Variants in NUP210 observed in about 807,000 individuals in gnomAD.
NUP210 encodes nuclear pore membrane glycoprotein 210.
Under a neutral mutation model 196.0 loss-of-function variants are expected in NUP210, and 151 were observed. That is an observed-to-expected ratio of 0.77 (90% CI 0.67 to 0.88). The LOEUF is 0.88. Ranked by LOEUF, NUP210 falls within the 40% of genes least tolerant of loss-of-function variation. The pLI, the probability that NUP210 is intolerant of heterozygous loss-of-function variation, is 0.00. For missense variants in NUP210, 2,314 were observed against 2,493.7 expected (o/e 0.93, Z 1.53); for synonymous variants, 1,070 against 1,052.7 (o/e 1.02, Z -0.32).
chr3:13,413,609 A>G (rs1700249965), intron 1 of NUP210, among the ~76,000 whole-genome samples: 1 of 152,248 alleles, frequency 6.6e-6, no homozygotes, highest in African/African-American at 2.4e-5. Context: ...CAAAGACTCT[A>G]GGCGTCTGCC....
chr3:13,352,293 C>G (rs1173619574), intron 18 of NUP210, 109 bp from the exon 19 acceptor site: 1 of 737,574 alleles, frequency 1.4e-6, no homozygotes, highest in African/African-American at 1.8e-5. Context: ...TGGCCACAAG[C>G]CCCTGGTGCT....
At position 13,316,582 on chromosome 3, in the gene NUP210, C is replaced by T. The variant is rs929066774; in HGVS notation, c.*1099G>A. ...GAGAGGACTTTTCCAAGGGTCTCCT[C>T]CCCCAGGCCCTGGGGAGTCCCTTCT... On this transcript the variant is annotated 3_prime_UTR_variant, in exon 40 of 40. Transcript: ENST00000254508. 5 of 152,258 alleles carry T rather than the reference C, an allele frequency of 3.3e-5. No individual in the cohort carries two copies. Among genetic ancestry groups the T allele is most frequent in the Admixed American group, 6.5e-5 (1 of 15,286 alleles). The allele number at this position is 152,258 out of a possible 1,614,324, so 9.4% of individuals were successfully genotyped here. A position where few individuals can be genotyped will look rare whatever the true frequency, so the allele number is the denominator to read the frequency against.
At chr3:13,333,644 C>T (rs1272219858) in intron 28 of NUP210, among the ~76,000 whole-genome samples, 1 of 152,196 alleles carries the variant, frequency 6.6e-6, no homozygotes, top group Non-Finnish European at 1.5e-5. Context: ...CGGTGAGAAA[C>T]AGCCTTTGGG....
At chr3:13,372,627 C>T (rs984613916) in intron 12 of NUP210, among the ~76,000 whole-genome samples, 6 of 152,150 alleles carry the variant, frequency 3.9e-5, no homozygotes, top group Non-Finnish European at 5.9e-5. Flanking sequence ...ACTGGTAGAG[C>T]GGCTGGAGCC....
chr3:13,388,336 C>T lies in NUP210; in HGVS notation c.651G>A (p.Lys217=), dbSNP rs768706622. 4.3e-6 allele frequency: 7 copies of T among 1,612,300 alleles called. No individual in the cohort carries two copies. The highest frequency in any genetic ancestry group is 5.9e-6 in the Non-Finnish European group (7 of 1,179,250). Residue 217 remains lysine (K), a synonymous_variant, in exon 5 of 40, where the codon AAG becomes AAA. Transcript: ENST00000254508. ...LVSGMKTGSS[K]LKARIQEAVY... Reference sequence around the variant, plus strand: ...CAGCCTCCTGGATGCGAGCCTTGAGCTTGGAGCTCCCGGTCTTCATCCCAG... The same window carrying T: ...CAGCCTCCTGGATGCGAGCCTTGAGTTTGGAGCTCCCGGTCTTCATCCCAG...
rs968415419 is a variant in NUP210 at position 13,335,506 on chromosome 3, G to T, written c.3791C>A (p.Ser1264Ter). Reference sequence around the variant, plus strand: ...TCTGGCCAGGCCATACAGCTGCCCCGATGTGGGGTCCACAGCCTTGACCAC... The same window carrying T: ...TCTGGCCAGGCCATACAGCTGCCCCTATGTGGGGTCCACAGCCTTGACCAC... ...RVVVKAVDPT[S>*]GQLYGLAREL... Residue 1264 changes from serine to a stop codon, truncating the protein, a stop_gained, in exon 28 of 40, where the codon TCG becomes TAG. Coordinates refer to ENST00000254508, the MANE Select transcript of NUP210 (RefSeq NM_024923.4). LOFTEE classifies it high-confidence loss of function. 6.2e-7 allele frequency: 1 copy of T among 1,613,976 alleles called. No homozygotes were observed. The highest frequency in any genetic ancestry group is 2.2e-5 in the East Asian group (1 of 44,902).
rs1293279737 is a variant in NUP210 at position 13,317,088 on chromosome 3, G to A, written c.*593C>T. ...GTTCTCCAGCCTCTCGCTCACCCAG[G>A]GCTTGGCTATCCTGGCCTCCAGGTG... On this transcript the variant is annotated 3_prime_UTR_variant, in exon 40 of 40. Transcript: ENST00000254508. 6.5e-6 allele frequency: 1 copy of A among 154,086 alleles called. No homozygotes were observed. The highest frequency in any genetic ancestry group is 1.9e-4 in the East Asian group (1 of 5,184). The allele number at this position is 154,086 out of a possible 1,614,324, so 9.5% of individuals were successfully genotyped here.
At chr3:13,401,290 G>A (rs1230467624) in intron 1 of NUP210, among the ~76,000 whole-genome samples, 28 of 79,738 alleles carry the variant, frequency 3.5e-4, no homozygotes, top group African/African-American at 1.2e-3. Flanking sequence ...AGGCAATGGT[G>A]CGGAACACAC....
Position 13,360,326 on chromosome 3 carries a change from AGGAATGG to A in NUP210, c.2091_2097del (p.His698ProfsTer11). 1 of 1,614,138 alleles carries A rather than the reference AGGAATGG, an allele frequency of 6.2e-7. No homozygotes were observed. The highest frequency in any genetic ancestry group is 1.1e-5 in the South Asian group (1 of 91,082). ...ATCCAGTGTTGCTGATAATTCCGGGAGGAATGGGGGGCAAAGAGAGCCAGGCCGATGC... is the reference window on the plus strand; with the variant it reads ...ATCCAGTGTTGCTGATAATTCCGGGAGGGGCAAAGAGAGCCAGGCCGATGC... On this transcript the variant is annotated frameshift_variant, in exon 15 of 40. Transcript: ENST00000254508. LOFTEE classifies it high-confidence loss of function.
At chr3:13,394,472 G>A (rs1271703743) in intron 3 of NUP210, among the ~76,000 whole-genome samples, 1 of 152,228 alleles carries the variant, frequency 6.6e-6, no homozygotes, top group African/African-American at 2.4e-5. Flanking sequence ...ATGTGGGGAG[G>A]GCCCCCAATG....
chr3:13,336,652 G>T, intron 27 of NUP210, 135 bp downstream of exon 27: 3 of 928,792 alleles, frequency 3.2e-6, no homozygotes, highest in Non-Finnish European at 4.7e-6. Context: ...GGAGAGGGAA[G>T]AAAGTGGGCG....
intron 3 of NUP210, among the ~76,000 whole-genome samples, chr3:13,394,781 C>A (rs376373607): frequency 1.3e-5 from 2 of 152,204 alleles, no homozygotes; most frequent in African/African-American, 4.8e-5. Flanking sequence ...TTCATCAATA[C>A]AGATAAGGCA....
At chr3:13,338,738 C>G (rs1420413437) in intron 25 of NUP210, among the ~76,000 whole-genome samples, 2 of 152,184 alleles carry the variant, frequency 1.3e-5, no homozygotes, top group East Asian at 3.8e-4. Flanking sequence ...CCTGCCTGGG[C>G]TCAGAACATG....
chr3:13,399,625 C>T (rs1699770885), intron 2 of NUP210, 100 bp downstream of exon 2: 2 of 1,520,182 alleles, frequency 1.3e-6, no homozygotes, highest in African/African-American at 1.4e-5. Context: ...AAGAGAAAGC[C>T]CTGCCATGGG....
In NUP210 at chr3:13,342,046, G is replaced by C. The variant is rs1285684611; in HGVS notation, c.3042C>G (p.Phe1014Leu). ...CTCGGAGCTTCAGGTCCATAAAGGG[G>C]AAGTATTTGGCAAGGAAGGGCTTCT... ...LHKKPFLAKY[F>L]PFMDLKLRAA... The change falls in exon 22 of 40, where the codon TTC becomes TTG. Residue 1014 changes from phenylalanine (F) to leucine (L), a missense_variant. Phe to Leu is a conservative substitution (Grantham distance 22). Transcript: ENST00000254508. The C allele has an allele frequency of 6.2e-7, 1 of 1,614,214 alleles. No homozygotes were observed. Among genetic ancestry groups the C allele is most frequent in the Non-Finnish European group, 8.5e-7 (1 of 1,180,034 alleles).
At chr3:13,317,952 C>T (rs1221031470) in intron 39 of NUP210, among the ~76,000 whole-genome samples, 171 bp from the exon 40 acceptor site, 1 of 152,102 alleles carries the variant, frequency 6.6e-6, no homozygotes, top group African/African-American at 2.4e-5. Flanking sequence ...CTGAGCTGGC[C>T]TCATTCACAC....
chr3:13,357,515 T>A (rs527896314), intron 16 of NUP210, among the ~76,000 whole-genome samples: 1 of 152,300 alleles, frequency 6.6e-6, no homozygotes, highest in African/African-American at 2.4e-5. Flanking sequence ...ACATGCTCCA[T>A]AAGTACATGC....
At chr3:13,404,982 A>G (rs73132596) in intron 1 of NUP210, among the ~76,000 whole-genome samples, 6,108 of 152,286 alleles carry the variant, frequency 0.04, 178 homozygotes, top group African/African-American at 0.083. Flanking sequence ...AGGTGAGGGC[A>G]GGCAGGAACA....
In NUP210 at chr3:13,353,402, C is replaced by A. The variant is rs1209282967; in HGVS notation, c.2628+152G>T. On this transcript the variant is annotated intron_variant, in intron 18 of 39. Coordinates refer to ENST00000254508, the MANE Select transcript of NUP210 (RefSeq NM_024923.4). The stretch of plus-strand genomic sequence containing the variant: ...TGGTCCCCTACTATTAATAGCAGTG[C>A]CTCTCCTGGGGCCTCCAAGAGGCTG... 6.2e-6 allele frequency: 4 copies of A among 641,850 alleles called. 1 individual carries two copies. The South Asian group carries it at 7.2e-5, about 12-fold the overall frequency. 39.8% of individuals were successfully genotyped at this position (641,850 alleles called of 1,614,324 possible).
Sources: allele counts gnomAD v4.1 joint callset (sites outside exome capture counted in the v4.1 genomes callset), GRCh38; gene constraint gnomAD v4.1.1; transcripts MANE v1.5; gene names NCBI Gene and HGNC (gene_info 2026-07-23, HGNC 2026-07-21).